ZNF8: variants seen among roughly 807,000 people sequenced by gnomAD.
ZNF8 encodes the protein zinc finger protein 8, also known as zinc finger protein 272.
ZNF8 carries 9 observed loss-of-function variants against 12.2 expected under a neutral mutation model. That is an observed-to-expected ratio of 0.73 (90% CI 0.44 to 1.28). ZNF8 has a LOEUF of 1.28. Among genes scored for constraint, ZNF8 ranks in the 50% most tolerant of loss-of-function variants. The pLI is 0.00. For missense variants in ZNF8, 664 were observed against 729.1 expected (o/e 0.91, Z 1.03); for synonymous variants, 274 against 282.3 (o/e 0.97, Z 0.30).
chr19:58,281,841 A>G (rs2147953404), intron 1 of ZNF8, among the ~76,000 whole-genome samples: 1 of 152,336 alleles, frequency 6.6e-6, no homozygotes, highest in African/African-American at 2.4e-5. Flanking sequence ...GGCCTGGTGC[A>G]GTGGCTCATG....
At position 58,297,785 on chromosome 19, in the gene ZNF8, C is replaced by G. The variant is rs2051464872; in HGVS notation, c.*2249C>G. On this transcript the variant is annotated 3_prime_UTR_variant, in exon 4 of 4. Coordinates refer to ENST00000621650, the MANE Select transcript of ZNF8 (RefSeq NM_021089.3). ...CTCCCATCTACCTCCCCACCATTCT[C>G]CTTCCCTGGATATATATATAACCAT... is the stretch of plus-strand genomic sequence containing the variant. The G allele has an allele frequency of 6.6e-6, 1 of 152,218 alleles. No homozygotes were observed. The highest frequency in any genetic ancestry group is 2.4e-5 in the African/African-American group (1 of 41,444). The allele number at this position is 152,218 out of a possible 1,614,324, so 9.4% of individuals were successfully genotyped here.
Position 58,295,156 on chromosome 19 carries a change from T to C in ZNF8, c.1348T>C (p.Cys450Arg), listed in dbSNP as rs779465057. The C allele has an allele frequency of 7.4e-6, 12 of 1,613,950 alleles. No homozygotes were observed. The highest frequency in any genetic ancestry group is 2.7e-5 in the African/African-American group (2 of 74,942). ...TKHEWTEALG[C>R]DPPLSQDERT... ...GCATGAATGGACAGAAGCCCTGGGC[T>C]GTGACCCACCTTTGAGTCAAGATGA... Residue 450 changes from cysteine (C) to arginine (R), a missense_variant, in exon 4 of 4, where the codon TGT becomes CGT. Around this residue, in one of 3 missense-constraint regions of ZNF8, gnomAD observed 225 missense variants for 222.0 expected, o/e 1.01. Coordinates refer to ENST00000621650, the MANE Select transcript of ZNF8 (RefSeq NM_021089.3).
At chr19:58,283,876 G>C (rs2147954603) in intron 1 of ZNF8, among the ~76,000 whole-genome samples, 1 of 145,238 alleles carries the variant, frequency 6.9e-6, no homozygotes. Flanking sequence ...TGGGATTACA[G>C]GCATGAGCCA....
rs1489814167 is a variant in ZNF8 at position 58,296,917 on chromosome 19, C to A, written c.*1381C>A. On this transcript the variant is annotated 3_prime_UTR_variant, in exon 4 of 4. Coordinates refer to ENST00000621650, the MANE Select transcript of ZNF8 (RefSeq NM_021089.3). ...AGAAGCCACCTGGGTATAAACCCAG[C>A]CCAGAAATGTAGCTGACATTTTTAA... 3.0e-4 allele frequency: 46 copies of A among 152,162 alleles called. No individual in the cohort carries two copies. Among genetic ancestry groups the A allele is most frequent in the Admixed American group, 3.0e-3 (46 of 15,264 alleles). 9.4% of individuals were successfully genotyped at this position (152,162 alleles called of 1,614,324 possible). A position where few individuals can be genotyped will look rare whatever the true frequency, so the allele number is the denominator to read the frequency against.
chr19:58,279,372 G>C (rs1420399328), intron 1 of ZNF8: 1 of 1,456,108 alleles, frequency 6.9e-7, no homozygotes, highest in South Asian at 1.4e-5. Context: ...TGCTCCACGC[G>C]GCTCTGTCCT....
At chr19:58,292,499 C>T (rs77947563) in intron 3 of ZNF8, among the ~76,000 whole-genome samples, 342 of 152,334 alleles carry the variant, frequency 2.2e-3, no homozygotes, top group African/African-American at 8.0e-3. Flanking sequence ...CCAAAGGCCT[C>T]ATCTCCAAAT....
At chr19:58,292,950 G>GTT (rs113810291) in intron 3 of ZNF8, among the ~76,000 whole-genome samples, 45 of 142,172 alleles carry the variant, frequency 3.2e-4, no homozygotes, top group Admixed American at 5.7e-4. Context: ...TAGAGAGTCA[G>GTT]TTTTTTTTTT....
intron 3 of ZNF8, 100 bp from the exon 4 acceptor site, chr19:58,293,998 G>A (rs2051436374): frequency 1.7e-6 from 2 of 1,159,828 alleles, no homozygotes; most frequent in Non-Finnish European, 2.5e-6. Flanking sequence ...AGGGCAGCTG[G>A]TTAGGACCCC....
rs2051440730 is a variant in ZNF8 at position 58,294,533 on chromosome 19, T to C, written c.725T>C (p.Ile242Thr). The C allele has an allele frequency of 6.2e-7, 1 of 1,614,040 alleles. No homozygotes were observed. The highest frequency in any genetic ancestry group is 1.1e-5 in the South Asian group (1 of 91,088). Residue 242 changes from isoleucine to threonine, a missense_variant, in exon 4 of 4, where the codon ATT becomes ACT. Physicochemically the swap from Ile to Thr is moderately conservative, Grantham distance 89. Coordinates refer to ENST00000621650, the MANE Select transcript of ZNF8 (RefSeq NM_021089.3). This position sits in a 1 kb window ranked among gnomAD's most constrained non-coding sequence, Gnocchi z 5.5. ...SDCHRDSSQA[I>T]PITELTKSQV... ...TGTCACAGAGATTCCAGTCAGGCCATTCCAATTACGGAACTCACAAAAAGC... is the reference window on the plus strand; with the variant it reads ...TGTCACAGAGATTCCAGTCAGGCCACTCCAATTACGGAACTCACAAAAAGC...
rs555483016 is a variant in ZNF8, at chr19:58,300,639, C to T, written c.*5103C>T. 177 of 152,076 alleles carry T rather than the reference C, an allele frequency of 1.2e-3. No homozygotes were observed. Among genetic ancestry groups the T allele is most frequent in the African/African-American group, 4.0e-3 (166 of 41,404 alleles). 9.4% of individuals were successfully genotyped at this position (152,076 alleles called of 1,614,324 possible). ...AGCTAGCCGTAGCTGCTGCTTTTCT[C>T]TTCAAGCTCTTGGGAGAATTGCTTG... On this transcript the variant is annotated 3_prime_UTR_variant, in exon 4 of 4. Transcript: ENST00000621650.
rs1459638831 is a variant in ZNF8 at position 58,278,984 on chromosome 19, A to G, written c.-98A>G. ...TCGCCGCGTCGCCGGTGCGGCCGCCATTGTCCGGCGTTCGGCGAGTCGGGT... is the reference window on the plus strand; with the variant it reads ...TCGCCGCGTCGCCGGTGCGGCCGCCGTTGTCCGGCGTTCGGCGAGTCGGGT... On this transcript the variant is annotated 5_prime_UTR_variant, in exon 1 of 4. Coordinates refer to ENST00000621650, the MANE Select transcript of ZNF8 (RefSeq NM_021089.3). 4 of 1,324,244 alleles carry G rather than the reference A, an allele frequency of 3.0e-6. No individual in the cohort carries two copies. The highest frequency in any genetic ancestry group is 3.9e-6 in the Non-Finnish European group (4 of 1,023,186). 82.0% of individuals were successfully genotyped at this position (1,324,244 alleles called of 1,614,324 possible). A position where few individuals can be genotyped will look rare whatever the true frequency, so the allele number is the denominator to read the frequency against.
In ZNF8 at chr19:58,301,374, G is replaced by A. The variant is rs542862607; in HGVS notation, c.*5838G>A. On this transcript the variant is annotated 3_prime_UTR_variant, in exon 4 of 4. Coordinates refer to ENST00000621650, the MANE Select transcript of ZNF8 (RefSeq NM_021089.3). ...TACTTCATCCCCACTGCCACCAACA[G>A]TGCAGGATGGCCCTAAGAGGAGAAG... The A allele has an allele frequency of 2.6e-5, 4 of 152,312 alleles. 1 individual carries two copies. Among genetic ancestry groups the A allele is most frequent in the South Asian group, 4.1e-4 (2 of 4,830 alleles). The allele number at this position is 152,312 out of a possible 1,614,324, so 9.4% of individuals were successfully genotyped here.
chr19:58,295,472 T>C lies in ZNF8; in HGVS notation c.1664T>C (p.Val555Ala). 1 of 1,612,862 alleles carries C rather than the reference T, an allele frequency of 6.2e-7. No individual in the cohort carries two copies. Among genetic ancestry groups the C allele is most frequent in the South Asian group, 1.1e-5 (1 of 91,070 alleles). Reference sequence around the variant, plus strand: ...ATGCAAGAGAAAAACCCTGTGCACGTTATTGGGGTGGAAGAGCCTTCTGTG... The same window carrying C: ...ATGCAAGAGAAAAACCCTGTGCACGCTATTGGGGTGGAAGAGCCTTCTGTG... The part of the protein sequence containing the change: ...KIMQEKNPVH[V>A]IGVEEPSVGA... The change falls in exon 4 of 4, where the codon GTT becomes GCT. Residue 555 changes from valine to alanine, a missense_variant. This residue lies in a region of ZNF8 where 225 missense variants were observed against 222.0 expected (regional missense o/e 1.01). Coordinates refer to ENST00000621650, the MANE Select transcript of ZNF8 (RefSeq NM_021089.3).
At chr19:58,284,471 C>T (rs1055884767) in intron 1 of ZNF8, among the ~76,000 whole-genome samples, 2 of 152,226 alleles carry the variant, frequency 1.3e-5, no homozygotes, top group African/African-American at 4.8e-5. Context: ...CCAGAAATAT[C>T]TGGCTTTCAA....
chr19:58,280,003 A>T, intron 1 of ZNF8: 1 of 534,014 alleles, frequency 1.9e-6, no homozygotes, highest in Non-Finnish European at 2.9e-6. Context: ...CCAAATTTGC[A>T]TGAAATGCTA....
intron 1 of ZNF8, 69 bp from the exon 2 acceptor site, chr19:58,285,648 C>T: frequency 1.2e-6 from 2 of 1,611,986 alleles, no homozygotes; most frequent in South Asian, 1.1e-5. Context: ...TCTCCTTTTC[C>T]ATTCTTCCTC....
intron 1 of ZNF8, 68 bp from the exon 2 acceptor site, chr19:58,285,649 A>G: frequency 1.2e-6 from 2 of 1,612,374 alleles, no homozygotes; most frequent in South Asian, 1.1e-5. Flanking sequence ...CTCCTTTTCC[A>G]TTCTTCCTCT....
intron 1 of ZNF8, among the ~76,000 whole-genome samples, chr19:58,284,832 G>C (rs2051372966): frequency 1.3e-5 from 2 of 152,194 alleles, no homozygotes; most frequent in Non-Finnish European, 2.9e-5. Context: ...CTGGGTGACA[G>C]AGCAAGACTC....
At chr19:58,287,979 T>C (rs555056990) in intron 3 of ZNF8, among the ~76,000 whole-genome samples, 4 of 149,782 alleles carry the variant, frequency 2.7e-5, no homozygotes, top group Admixed American at 6.7e-5. Context: ...GCTGGGATTA[T>C]AGGCGTAAGC....
Sources: gnomAD v4.1 joint callset for allele counts (sites outside exome capture counted in the v4.1 genomes callset) on GRCh38, gnomAD v4.1.1 for gene constraint, gnomAD v4.1.1 regional missense constraint, Gnocchi (gnomAD v3.1) non-coding constraint, MANE v1.5 for transcripts, NCBI Gene and HGNC (gene_info 2026-07-23, HGNC 2026-07-21) for gene names.